Variants in PNKD observed in about 807,000 individuals in gnomAD.
PNKD encodes the protein probable thioesterase PNKD.
A neutral mutation model predicts 45.3 loss-of-function variants in PNKD; 36 were observed. The ratio of observed to expected loss-of-function variants is 0.80; its 90% CI spans 0.61 to 1.05. The LOEUF is 1.05. Ranked by LOEUF, PNKD falls within the 50% of genes least tolerant of loss-of-function variation. The pLI, the probability that PNKD is intolerant of heterozygous loss-of-function variation, is 0.00. For missense variants in PNKD, 511 were observed against 506.6 expected (o/e 1.01, Z -0.08); for synonymous variants, 197 against 210.1 (o/e 0.94, Z 0.54).
At chr2:218,331,083 C>T (rs530885889) in intron 2 of PNKD, among the ~76,000 whole-genome samples, 9 of 152,322 alleles carry the variant, frequency 5.9e-5, no homozygotes, top group Admixed American at 5.9e-4. Flanking sequence ...GGGGCAGTGA[C>T]ATCCTGGGAA....
chr2:218,315,586 G>A (rs997858688), intron 2 of PNKD, among the ~76,000 whole-genome samples: 3 of 152,184 alleles, frequency 2.0e-5, no homozygotes, highest in Non-Finnish European at 1.5e-5. Flanking sequence ...AATAACATAC[G>A]CCTATTAAGG....
chr2:218,309,176 T>G (rs1016578527), intron 2 of PNKD, among the ~76,000 whole-genome samples: 3 of 151,968 alleles, frequency 2.0e-5, no homozygotes, highest in African/African-American at 7.2e-5. Context: ...ATTGTCATAT[T>G]TTTCGTAGAA....
intron 2 of PNKD, among the ~76,000 whole-genome samples, chr2:218,301,510 G>A (rs1693269764): frequency 6.6e-6 from 1 of 152,180 alleles, no homozygotes; most frequent in Non-Finnish European, 1.5e-5. Flanking sequence ...AGCCTTGGCC[G>A]ACGCAATGGC....
intron 2 of PNKD, chr2:218,275,438 G>C: frequency 1.3e-6 from 2 of 1,594,290 alleles, no homozygotes; most frequent in South Asian, 2.3e-5. Context: ...GCTTGGAAGG[G>C]AGAGCCCAGG....
chr2:218,293,472 C>A (rs894796013), intron 2 of PNKD, among the ~76,000 whole-genome samples: 36 of 152,094 alleles, frequency 2.4e-4, no homozygotes, highest in Non-Finnish European at 4.9e-4. Flanking sequence ...GTTCCAAAGT[C>A]CAAGTTCTTT....
At chr2:218,316,594 T>A (rs1454311700) in intron 2 of PNKD, 1 of 152,222 alleles carries the variant, frequency 6.6e-6, no homozygotes, top group Non-Finnish European at 1.5e-5. Context: ...GGCAGGGAGA[T>A]GCTGGAATTT....
At chr2:218,285,208 C>G (rs1274663726) in intron 2 of PNKD, among the ~76,000 whole-genome samples, 6 of 152,188 alleles carry the variant, frequency 3.9e-5, no homozygotes, top group Admixed American at 2.6e-4. Flanking sequence ...CAAGTTAATA[C>G]TGTTATTATT....
At chr2:218,344,321 G>A in intron 8 of PNKD, 134 bp from the exon 9 acceptor site, 1 of 706,868 alleles carries the variant, frequency 1.4e-6, no homozygotes, top group African/African-American at 1.7e-5. Context: ...TGGCAGTTGG[G>A]GTTTTCCTGG....
Position 218,340,155 on chromosome 2 carries a change from A to G in PNKD, c.465+14A>G. 6.5e-7 allele frequency: 1 copy of G among 1,541,086 alleles called. No individual in the cohort carries two copies. The highest frequency in any genetic ancestry group is 2.2e-5 in the East Asian group (1 of 44,498). ...CGGGCTGTGCAGGTGAGGGGAGGGC[A>G]GGGAGCAGGGGGTGCCTGGAGTCAC... On this transcript the variant is annotated intron_variant, in intron 4 of 9. Transcript: ENST00000273077. This position sits in a 1 kb window ranked among gnomAD's most constrained non-coding sequence, Gnocchi z 4.2.
chr2:218,332,338 G>GC (rs1197547060), intron 2 of PNKD, among the ~76,000 whole-genome samples: 2 of 152,146 alleles, frequency 1.3e-5, no homozygotes, highest in East Asian at 3.9e-4. Flanking sequence ...AGGGCTAAAT[G>GC]CAACTGCGAG....
At chr2:218,341,057 C>T (rs1189189918) in intron 5 of PNKD, among the ~76,000 whole-genome samples, 1 of 152,208 alleles carries the variant, frequency 6.6e-6, no homozygotes, top group Admixed American at 6.5e-5. Context: ...GCACACTGGG[C>T]ATGGACAAAA....
intron 2 of PNKD, chr2:218,323,463 CGGGAGGCGGGCGCGCT>C: frequency 9.0e-7 from 1 of 1,112,798 alleles, no homozygotes; most frequent in South Asian, 1.9e-5. Flanking sequence ...CGTGCGGGCT[CGGGAGGCGGGCGCGCT>C]GGGAGAGGGG....
intron 2 of PNKD, among the ~76,000 whole-genome samples, chr2:218,293,118 C>T (rs576133695): frequency 4.6e-5 from 7 of 152,292 alleles, no homozygotes; most frequent in Admixed American, 6.5e-5. Context: ...ACATGCAAAC[C>T]TAGAATCTCT....
intron 2 of PNKD, among the ~76,000 whole-genome samples, chr2:218,305,233 A>C (rs960356861): frequency 5.3e-5 from 8 of 152,148 alleles, no homozygotes; most frequent in Admixed American, 6.5e-5. Context: ...ACAAACATTT[A>C]TCACACTGCA....
At position 218,282,495 on chromosome 2, in the gene PNKD, T is replaced by C. The variant is rs948438392; in HGVS notation, c.236+10946T>C. ...AGCCTGGGAACTCCCTGTTGTGGTT[T>C]AAGAAAACCTTCCAGTTTTGGTGGC... On this transcript the variant is annotated intron_variant, in intron 2 of 9. Transcript: ENST00000273077. Among the ~76,000 whole-genome samples, 14 of 152,204 alleles carry C rather than the reference T, an allele frequency of 9.2e-5. 1 individual carries two copies. Among genetic ancestry groups the C allele is most frequent in the Admixed American group, 6.5e-4 (10 of 15,288 alleles).
In PNKD at chr2:218,317,697, C is replaced by T. The variant is rs143689504; in HGVS notation, c.237-22086C>T. Reference sequence around the variant, plus strand: ...GGGAGCTCTGTGAGAAGGCAGAGGACGTTGGGGAAGGATTTGTTTCAGACC... The same window carrying T: ...GGGAGCTCTGTGAGAAGGCAGAGGATGTTGGGGAAGGATTTGTTTCAGACC... On this transcript the variant is annotated intron_variant, in intron 2 of 9. Coordinates refer to ENST00000273077, the MANE Select transcript of PNKD (RefSeq NM_015488.5). Among the ~76,000 whole-genome samples the T allele has an allele frequency of 7.7e-3, 1,173 of 152,162 alleles. 14 individuals are homozygous for T. Among genetic ancestry groups the T allele is most frequent in the African/African-American group, 0.025 (1,042 of 41,492 alleles).
chr2:218,323,148 G>T, intron 2 of PNKD: 1 of 1,337,588 alleles, frequency 7.5e-7, no homozygotes, highest in Non-Finnish European at 9.5e-7. Flanking sequence ...CAATGGGCGG[G>T]GCGGGGCCAC....
intron 2 of PNKD, among the ~76,000 whole-genome samples, chr2:218,301,800 A>C (rs1693280766): frequency 6.6e-6 from 1 of 151,974 alleles, no homozygotes; most frequent in African/African-American, 2.4e-5. Context: ...CAAACAAACA[A>C]AAACGGGAGA....
chr2:218,334,681 C>T (rs1352880525), intron 2 of PNKD: 1 of 701,748 alleles, frequency 1.4e-6, no homozygotes, highest in Admixed American at 2.0e-5. Context: ...ATTTTTGGCA[C>T]AAATACCACA....
Sources: gnomAD v4.1 joint callset for allele counts (sites outside exome capture counted in the v4.1 genomes callset) on GRCh38, gnomAD v4.1.1 for gene constraint, Gnocchi (gnomAD v3.1) non-coding constraint, MANE v1.5 for transcripts, NCBI Gene and HGNC (gene_info 2026-07-23, HGNC 2026-07-21) for gene names.